Variants in GPR89A observed in about 807,000 individuals in gnomAD.
GPR89A encodes the protein golgi pH regulator A.
GPR89A carries 16 observed loss-of-function variants against 52.0 expected under a neutral mutation model. That is an observed-to-expected ratio of 0.31 (90% confidence interval 0.21 to 0.47). The LOEUF is 0.47. Among genes scored for constraint, GPR89A ranks in the 20% least tolerant of loss-of-function variants. GPR89A has a pLI of 1.00. For missense variants in GPR89A, 135 were observed against 449.4 expected, an observed-to-expected ratio of 0.30 and a Z score of 6.33; for synonymous variants, 55 against 150.9, an observed-to-expected ratio of 0.36 and a Z score of 4.66.
At chr1:145,663,103 C>T (rs1652315406) in intron 10 of GPR89A, among the ~76,000 whole-genome samples, 3 of 152,222 alleles carry the variant, frequency 2.0e-5, no homozygotes, top group Admixed American at 1.3e-4. Context: ...TTCCCATTGA[C>T]TCTTTACAGA....
chr1:145,608,508 G>A (rs1391097762), intron 1 of GPR89A: 11 of 722,008 alleles, frequency 1.5e-5, no homozygotes, highest in Non-Finnish European at 2.3e-5. Context: ...AAGCTTCCGG[G>A]CTGCGCCAAC....
chr1:145,650,217 T>G (rs1476692265), intron 10 of GPR89A, among the ~76,000 whole-genome samples: 1 of 150,894 alleles, frequency 6.6e-6, no homozygotes, highest in Non-Finnish European at 1.5e-5. Context: ...TTCCCACTTA[T>G]AAGTGAGAAC....
chr1:145,660,275 T>G (rs587676939), intron 10 of GPR89A, among the ~76,000 whole-genome samples: 1 of 152,232 alleles, frequency 6.6e-6, no homozygotes, highest in South Asian at 2.1e-4. Flanking sequence ...CTGGATCCCT[T>G]CCTTACACCT....
At chr1:145,647,057 T>A in intron 9 of GPR89A, 118 bp from the exon 10 acceptor site, 5 of 1,483,448 alleles carry the variant, frequency 3.4e-6, no homozygotes, top group Non-Finnish European at 4.5e-6. Context: ...TTTAATATTA[T>A]TACAATGTAT....
chr1:145,659,763 T>G lies in GPR89A; in HGVS notation c.910-3566T>G, dbSNP rs1260353710. The stretch of plus-strand genomic sequence containing the variant: ...ATTGACTTGGCAATGTGGGCTTTTT[T>G]TGGTTCCTTATGAACTTTAAAGTAG... On this transcript the variant is annotated intron_variant, in intron 10 of 13. Transcript: ENST00000313835. Among the ~76,000 whole-genome samples the G allele has an allele frequency of 3.8e-5, 5 of 130,526 alleles. No individual in the cohort carries two copies. The East Asian group carries it at 1.0e-3, about 27-fold the overall frequency. The allele number at this position is 130,526 out of a possible 152,430, so 85.6% of individuals were successfully genotyped here. A position where few individuals can be genotyped will look rare whatever the true frequency, so the allele number is the denominator to read the frequency against.
chr1:145,661,000 T>C (rs1652155515), intron 10 of GPR89A, among the ~76,000 whole-genome samples: 1 of 151,982 alleles, frequency 6.6e-6, no homozygotes, highest in Non-Finnish European at 1.5e-5. Flanking sequence ...TAAAGACACA[T>C]GCACACGTAT....
intron 10 of GPR89A, among the ~76,000 whole-genome samples, chr1:145,663,049 C>T (rs1270506288): frequency 2.0e-5 from 3 of 152,316 alleles, no homozygotes; most frequent in Non-Finnish European, 4.4e-5. Context: ...CAGAATGTTA[C>T]CTTTCTGGCT....
intron 10 of GPR89A, among the ~76,000 whole-genome samples, chr1:145,654,286 G>A (rs1553694123): frequency 6.6e-6 from 1 of 152,114 alleles, no homozygotes; most frequent in Non-Finnish European, 1.5e-5. Context: ...GGGCGTGGTG[G>A]CTCATGCCGG....
intron 12 of GPR89A, among the ~76,000 whole-genome samples, chr1:145,666,823 G>A (rs1242921068): frequency 2.0e-5 from 3 of 151,086 alleles, no homozygotes; most frequent in African/African-American, 7.3e-5. Context: ...TTGTCCTTGC[G>A]ATAGTTTGCT....
intron 11 of GPR89A, 141 bp downstream of exon 11, chr1:145,663,565 A>C (rs1256858117): frequency 6.2e-6 from 4 of 646,932 alleles, no homozygotes; most frequent in Non-Finnish European, 1.1e-5. Context: ...TGACGTATTC[A>C]CATGGAAAAT....
chr1:145,646,271 A>G lies in GPR89A; in HGVS notation c.815A>G (p.Lys272Arg). 6.2e-7 allele frequency: 1 copy of G among 1,604,398 alleles called. No homozygotes were observed. Among genetic ancestry groups the G allele is most frequent in the East Asian group, 2.2e-5 (1 of 44,802 alleles). The change falls in exon 9 of 14, where the codon AAG becomes AGG. Residue 272 changes from lysine to arginine, a missense_variant and splice_region_variant. Physicochemically the swap from Lys to Arg is conservative, Grantham distance 26. This residue lies in a region of GPR89A where 23 missense variants were observed against 42.2 expected (regional missense o/e 0.54). Transcript: ENST00000313835. ...GAAACAGCTGATCTATATGCTACCA[A>G]GGTACAGAGCAAGGAAACTGAAGTG... ...FLETADLYAT[K>R]ERIEYSKTFK...
At chr1:145,666,222 AT>A (rs1352503542) in intron 12 of GPR89A, among the ~76,000 whole-genome samples, 5 of 144,900 alleles carry the variant, frequency 3.5e-5, no homozygotes, top group Non-Finnish European at 4.5e-5. Context: ...GTTCACTGAT[AT>A]GTTATCAGTA....
At chr1:145,615,397 G>T (rs1420477769) in intron 1 of GPR89A, among the ~76,000 whole-genome samples, 1 of 151,776 alleles carries the variant, frequency 6.6e-6, no homozygotes, top group Non-Finnish European at 1.5e-5. Flanking sequence ...AGGCTGGAGC[G>T]CAGTGGTGCA....
intron 10 of GPR89A, among the ~76,000 whole-genome samples, chr1:145,649,543 A>G (rs1651303130): frequency 6.6e-6 from 1 of 151,526 alleles, no homozygotes; most frequent in African/African-American, 2.4e-5. Context: ...TTGTTTGTCC[A>G]TTCATCTGAT....
At chr1:145,649,025 C>G (rs1437980724) in intron 10 of GPR89A, among the ~76,000 whole-genome samples, 1 of 149,192 alleles carries the variant, frequency 6.7e-6, no homozygotes, top group Non-Finnish European at 1.5e-5. Flanking sequence ...AGGATGGTCT[C>G]GATCTCCTGA....
intron 5 of GPR89A, among the ~76,000 whole-genome samples, chr1:145,629,001 G>A (rs1287756938): frequency 1.3e-5 from 2 of 152,052 alleles, no homozygotes; most frequent in Non-Finnish European, 1.5e-5. Context: ...GACAGATGAT[G>A]GAACAAGACT....
intron 10 of GPR89A, among the ~76,000 whole-genome samples, chr1:145,653,292 A>G (rs1651588877): frequency 6.9e-6 from 1 of 145,788 alleles, no homozygotes; most frequent in South Asian, 2.2e-4. Flanking sequence ...GTTTTGAGTT[A>G]GTTTCTTAGT....
rs139126449 is a variant in GPR89A, at chr1:145,616,293, G to A, written c.102G>A (p.Glu34=). The A allele has an allele frequency of 3.8e-4, 602 of 1,603,526 alleles. 4 individuals carry two copies. The East Asian group carries it at 0.013, about 34-fold the overall frequency. The change falls in exon 2 of 14, where the codon GAG becomes GAA. Residue 34 remains glutamate, a splice_region_variant and synonymous_variant. Transcript: ENST00000313835. The part of the protein sequence containing the change: ...FFMRQLFKDY[E]IRQYVVQVIF... ...TGCGCCAATTGTTTAAAGACTATGA[G>A]GTGAGAAGAAATCATTTTGTCATAC...
At chr1:145,608,235 C>A in intron 1 of GPR89A, 60 bp downstream of exon 1, 5 of 1,604,928 alleles carry the variant, frequency 3.1e-6, no homozygotes, top group Non-Finnish European at 3.4e-6. Context: ...TCGCCCTCTC[C>A]GGTCCTCCGC....
Sources: gnomAD v4.1 joint callset for allele counts (sites outside exome capture counted in the v4.1 genomes callset) on GRCh38, gnomAD v4.1.1 for gene constraint, gnomAD v4.1.1 regional missense constraint, MANE v1.5 for transcripts, NCBI Gene and HGNC (gene_info 2026-07-23, HGNC 2026-07-21) for gene names.